KIAA1549: variants seen among roughly 807,000 people sequenced by gnomAD.
The protein encoded by KIAA1549 is KIAA1549.
In KIAA1549, 70 loss-of-function variants were observed where a neutral mutation model predicts 156.4. The observed-to-expected ratio is 0.45, with a 90% CI of 0.37 to 0.55. The LOEUF (loss-of-function observed/expected upper bound fraction) is 0.55. KIAA1549 is among the 20% of genes least tolerant of loss of function. The pLI, the probability that KIAA1549 is intolerant of heterozygous loss-of-function variation, is 0.00. For missense variants in KIAA1549, 2,428 were observed against 2,540.9 expected (o/e 0.96, Z 0.96); for synonymous variants, 1,103 against 1,066.4 (o/e 1.03, Z -0.67).
At chr7:138,862,524 GA>G (rs1162856467) in intron 15 of KIAA1549, among the ~76,000 whole-genome samples, 2,164 of 130,238 alleles carry the variant, frequency 0.017, 46 homozygotes, top group African/African-American at 0.054. Context: ...AAAAGAAAAA[GA>G]AAAAAAAAAA....
intron 1 of KIAA1549, among the ~76,000 whole-genome samples, chr7:138,968,859 CA>C (rs75576327): frequency 0.28 from 18,608 of 66,598 alleles, 1,308 homozygotes; most frequent in African/African-American, 0.45. Context: ...GACTCCGTCT[CA>C]AAAAAAAAAA....
At chr7:138,902,557 T>C (rs893579189) in intron 8 of KIAA1549, among the ~76,000 whole-genome samples, 1 of 152,228 alleles carries the variant, frequency 6.6e-6, no homozygotes, top group Non-Finnish European at 1.5e-5. Context: ...TCTGTGAGTA[T>C]GGGCATTTTT....
Position 138,835,159 on chromosome 7 carries a change from C to A in KIAA1549, c.*2747G>T. The A allele has an allele frequency of 4.5e-6, 1 of 220,128 alleles. No individual in the cohort carries two copies. 13.6% of individuals were successfully genotyped at this position (220,128 alleles called of 1,614,324 possible). ...AAGGACCCTTCCTTTCAGTGGATGACGTGAACTTAATGTCTGAAGACCGCT... is the reference window on the plus strand; with the variant it reads ...AAGGACCCTTCCTTTCAGTGGATGAAGTGAACTTAATGTCTGAAGACCGCT... On this transcript the variant is annotated 3_prime_UTR_variant, in exon 20 of 20. Coordinates refer to ENST00000422774, the MANE Select transcript of KIAA1549 (RefSeq NM_001164665.2).
chr7:138,950,833 G>A (rs1361609951), intron 1 of KIAA1549, among the ~76,000 whole-genome samples: 1 of 152,032 alleles, frequency 6.6e-6, no homozygotes, highest in Non-Finnish European at 1.5e-5. Flanking sequence ...CTACCCTGCT[G>A]AGGTTATCAG....
intron 12 of KIAA1549, among the ~76,000 whole-genome samples, chr7:138,878,235 C>T (rs1196176111): frequency 6.6e-6 from 1 of 152,128 alleles, no homozygotes; most frequent in African/African-American, 2.4e-5. Context: ...GAAGGCTGAG[C>T]AACCCGCGAG....
intron 16 of KIAA1549, among the ~76,000 whole-genome samples, chr7:138,857,491 T>C (rs540353457): frequency 1.0e-3 from 154 of 152,336 alleles, no homozygotes; most frequent in African/African-American, 3.4e-3. Context: ...CGGTAGGATA[T>C]ATGTTTAACT....
intron 16 of KIAA1549, among the ~76,000 whole-genome samples, chr7:138,854,146 C>T (rs1310994133): frequency 6.6e-6 from 1 of 152,146 alleles, no homozygotes; most frequent in Non-Finnish European, 1.5e-5. Flanking sequence ...GTTTGGGAAA[C>T]AAAATTGCAT....
chr7:138,919,191 C>T lies in KIAA1549; in HGVS notation c.435G>A (p.Val145=). ...PSIFVATYVS[V]TSKEVAVNDD... is the part of the protein sequence containing the mutation. ...CATTGACGGCCACCTCTTTACTCGT[C>T]ACTGACACGTAAGTTGCCACAAAGA... The change falls in exon 2 of 20, where the codon GTG becomes GTA. Residue 145 remains valine, a synonymous_variant. Transcript: ENST00000422774. 1 of 1,613,994 alleles carries T rather than the reference C, an allele frequency of 6.2e-7. No individual in the cohort carries two copies. Among genetic ancestry groups the T allele is most frequent in the Non-Finnish European group, 8.5e-7 (1 of 1,179,904 alleles).
intron 17 of KIAA1549, 60 bp downstream of exon 17, chr7:138,852,163 A>G (rs760180359): frequency 5.0e-6 from 6 of 1,193,890 alleles, no homozygotes; most frequent in Non-Finnish European, 7.4e-6. Flanking sequence ...TGAGTTTATA[A>G]AGTTTTTAAA....
At position 138,918,483 on chromosome 7, in the gene KIAA1549, G is replaced by C. The variant is rs1177106706; in HGVS notation, c.1143C>G (p.Pro381=). The change falls in exon 2 of 20, where the codon CCC becomes CCG. Residue 381 remains proline (P), a synonymous_variant. Coordinates refer to ENST00000422774, the MANE Select transcript of KIAA1549 (RefSeq NM_001164665.2). This position sits in a 1 kb window ranked among gnomAD's most constrained non-coding sequence, Gnocchi z 4.2. ...TTTTGCTGGAGTCGCTAGGGAGAAA[G>C]GGGTTAGATGAAACATCAGTTGGTG... ...SASPTDVSSN[P]FLPSDSSKTS... 6.2e-7 allele frequency: 1 copy of C among 1,614,038 alleles called. No individual in the cohort carries two copies. Among genetic ancestry groups the C allele is most frequent in the Middle Eastern group, 1.6e-4 (1 of 6,062 alleles).
intron 1 of KIAA1549, among the ~76,000 whole-genome samples, chr7:138,945,234 G>C (rs1041709145): frequency 1.3e-5 from 2 of 152,106 alleles, no homozygotes; most frequent in Non-Finnish European, 2.9e-5. Flanking sequence ...ACTCTCTGAG[G>C]GGGTGAGGCC....
intron 15 of KIAA1549, among the ~76,000 whole-genome samples, chr7:138,866,788 T>C (rs983633031): frequency 6.6e-6 from 1 of 152,120 alleles, no homozygotes; most frequent in African/African-American, 2.4e-5. Flanking sequence ...CTCTTTTACT[T>C]TGGAAAAAAA....
At chr7:138,968,803 T>C (rs113184076) in intron 1 of KIAA1549, among the ~76,000 whole-genome samples, 3,448 of 135,984 alleles carry the variant, frequency 0.025, 64 homozygotes, top group Admixed American at 0.05. Flanking sequence ...GAGCTTGCAG[T>C]GAGCCAAGAT....
At chr7:138,845,147 G>GA (rs945439934) in intron 17 of KIAA1549, among the ~76,000 whole-genome samples, 5 of 151,342 alleles carry the variant, frequency 3.3e-5, no homozygotes, top group African/African-American at 1.2e-4. Flanking sequence ...AATTAAAATG[G>GA]AAAAAAAGTA....
chr7:138,928,530 A>C (rs893511984), intron 1 of KIAA1549, among the ~76,000 whole-genome samples: 2 of 147,650 alleles, frequency 1.4e-5, no homozygotes, highest in Admixed American at 6.7e-5. Context: ...CAGGTGATCC[A>C]CCCGCCTCAG....
chr7:138,913,841 G>A lies in KIAA1549; in HGVS notation c.2879-1381C>T, dbSNP rs146015474. 9.9e-4 allele frequency among the ~76,000 whole-genome samples: 150 copies of A among 151,898 alleles called. 1 individual carries two copies. The highest frequency in any genetic ancestry group is 3.4e-3 in the African/African-American group (142 of 41,358). On this transcript the variant is annotated intron_variant, in intron 2 of 19. Transcript: ENST00000422774. ...GATCTGAAAGGGAAAGATAAAATGAGGAGGAAGGAAAGGGGGAAGAGTGGC... is the reference window on the plus strand; with the variant it reads ...GATCTGAAAGGGAAAGATAAAATGAAGAGGAAGGAAAGGGGGAAGAGTGGC...
chr7:138,950,030 G>A (rs1205175604), intron 1 of KIAA1549, among the ~76,000 whole-genome samples: 2 of 152,194 alleles, frequency 1.3e-5, no homozygotes, highest in African/African-American at 4.8e-5. Flanking sequence ...CTAACACTTC[G>A]TGGTCTCCAT....
chr7:138,848,196 G>A (rs1810134714), intron 17 of KIAA1549, among the ~76,000 whole-genome samples: 1 of 152,116 alleles, frequency 6.6e-6, no homozygotes, highest in Non-Finnish European at 1.5e-5. Context: ...CTCTTTTTGT[G>A]TTTTTCTTGC....
chr7:138,850,229 T>C lies in KIAA1549; in HGVS notation c.5294+1994A>G, dbSNP rs566536600. On this transcript the variant is annotated intron_variant, in intron 17 of 19. Transcript: ENST00000422774. ...GCTGGATCCACTCTGTGCTGCTGTT[T>C]TCTGACACCAGTTGGTAGTTCTGTT... Among the ~76,000 whole-genome samples, 191 of 152,316 alleles carry C rather than the reference T, an allele frequency of 1.3e-3. 2 individuals carry two copies. The highest frequency in any genetic ancestry group is 4.4e-3 in the African/African-American group (185 of 41,576).
Sources: gnomAD v4.1 joint callset for allele counts (sites outside exome capture counted in the v4.1 genomes callset) on GRCh38, gnomAD v4.1.1 for gene constraint, Gnocchi (gnomAD v3.1) non-coding constraint, MANE v1.5 for transcripts, NCBI Gene and HGNC (gene_info 2026-07-23, HGNC 2026-07-21) for gene names.